The following EVI5 variants were observed in gnomAD, a reference collection of about 807,000 sequenced individuals.
EVI5 encodes the protein ecotropic viral integration site 5 protein homolog.
Under a neutral mutation model 112.0 loss-of-function variants are expected in EVI5, and 73 were observed. The ratio of observed to expected loss-of-function variants is 0.65; its 90% CI spans 0.54 to 0.79. EVI5 has a LOEUF of 0.79. Among genes scored for constraint, EVI5 ranks in the 30% least tolerant of loss-of-function variants. EVI5 has a pLI of 0.00. For synonymous variants in EVI5, 305 were observed against 319.9 expected, an observed-to-expected ratio of 0.95 and a Z score of 0.50; for missense variants, 900 against 968.8, an observed-to-expected ratio of 0.93 and a Z score of 0.94.
intron 2 of EVI5, among the ~76,000 whole-genome samples, chr1:92,723,632 A>T (rs1424201852): frequency 6.6e-6 from 1 of 152,192 alleles, no homozygotes; most frequent in Non-Finnish European, 1.5e-5. Flanking sequence ...GTACAAATTG[A>T]TTGTAAAATA....
intron 18 of EVI5, among the ~76,000 whole-genome samples, chr1:92,564,943 G>A (rs150986927): frequency 2.6e-5 from 4 of 152,304 alleles, no homozygotes; most frequent in African/African-American, 7.2e-5. Flanking sequence ...GCCTCCCAAA[G>A]TGCTGAGATT....
At chr1:92,627,265 T>C (rs1387428769) in intron 14 of EVI5, among the ~76,000 whole-genome samples, 1 of 152,236 alleles carries the variant, frequency 6.6e-6, no homozygotes, top group African/African-American at 2.4e-5. Context: ...ATACGATGCT[T>C]GGTTTTCCAT....
intron 1 of EVI5, among the ~76,000 whole-genome samples, chr1:92,761,080 T>TTAATGA (rs1491528430): frequency 7.6e-6 from 1 of 132,160 alleles, no homozygotes; most frequent in Non-Finnish European, 1.6e-5. Flanking sequence ...AAAAAAAGAA[T>TTAATGA]TAATGAATAG....
chr1:92,719,591 T>C (rs1674393070), intron 2 of EVI5, among the ~76,000 whole-genome samples: 1 of 152,008 alleles, frequency 6.6e-6, no homozygotes, highest in Admixed American at 6.5e-5. Context: ...GCCAATATCA[T>C]ACTGAATGGG....
intron 13 of EVI5, among the ~76,000 whole-genome samples, chr1:92,653,172 C>T (rs1012054738): frequency 6.6e-6 from 1 of 152,196 alleles, no homozygotes; most frequent in African/African-American, 2.4e-5. Context: ...GTACCCTGCC[C>T]AGGGAACCTC....
At chr1:92,564,807 G>A (rs1669175058) in intron 18 of EVI5, among the ~76,000 whole-genome samples, 1 of 151,568 alleles carries the variant, frequency 6.6e-6, no homozygotes, top group African/African-American at 2.4e-5. Context: ...AGCCTCCTGA[G>A]TAGCTGGGAT....
intron 9 of EVI5, among the ~76,000 whole-genome samples, chr1:92,690,092 G>C (rs1215221269): frequency 6.6e-6 from 1 of 151,998 alleles, no homozygotes; most frequent in African/African-American, 2.4e-5. Flanking sequence ...TGCCCAGGCT[G>C]GTCTCAAACT....
At chr1:92,566,867 C>T (rs920839550) in intron 18 of EVI5, among the ~76,000 whole-genome samples, 3 of 140,466 alleles carry the variant, frequency 2.1e-5, no homozygotes, top group Admixed American at 8.0e-5. Context: ...GGTGCAATGG[C>T]ACAATCTCGG....
intron 1 of EVI5, among the ~76,000 whole-genome samples, chr1:92,774,977 T>C (rs1570912889): frequency 1.3e-5 from 2 of 152,216 alleles, no homozygotes; most frequent in Admixed American, 6.5e-5. Flanking sequence ...TCAATCTACA[T>C]TCTTCCAATG....
chr1:92,641,197 G>GA (rs923070232), intron 13 of EVI5, among the ~76,000 whole-genome samples: 22 of 145,058 alleles, frequency 1.5e-4, no homozygotes, highest in Non-Finnish European at 2.5e-4. Context: ...AAGTAAAATT[G>GA]AAAAAAAAAA....
chr1:92,635,798 G>A (rs964449329), intron 14 of EVI5, among the ~76,000 whole-genome samples: 7 of 152,030 alleles, frequency 4.6e-5, no homozygotes, highest in Admixed American at 1.3e-4. Context: ...GGCTCCACCC[G>A]CTCAGATGAA....
At chr1:92,791,055 A>C (rs971455807) in intron 1 of EVI5, among the ~76,000 whole-genome samples, 1 of 152,214 alleles carries the variant, frequency 6.6e-6, no homozygotes, top group Non-Finnish European at 1.5e-5. Flanking sequence ...TCTATATGTG[A>C]TACTACACAT....
chr1:92,692,479 T>C (rs1669646355), intron 9 of EVI5, among the ~76,000 whole-genome samples: 1 of 152,246 alleles, frequency 6.6e-6, no homozygotes, highest in Non-Finnish European at 1.5e-5. Context: ...ATGGTGGTTA[T>C]TTAAAACATC....
chr1:92,712,446 C>T (rs1395570177), intron 2 of EVI5, among the ~76,000 whole-genome samples: 11 of 152,114 alleles, frequency 7.2e-5, no homozygotes, highest in Non-Finnish European at 1.0e-4. Flanking sequence ...TTTATACAGA[C>T]ATTCCAGAAA....
At chr1:92,661,205 C>T (rs193268600) in intron 13 of EVI5, among the ~76,000 whole-genome samples, 266 of 152,084 alleles carry the variant, frequency 1.7e-3, no homozygotes, top group African/African-American at 6.1e-3. Flanking sequence ...TGCTGGAATA[C>T]AAATTTAAAA....
chr1:92,602,351 T>A (rs986031010), intron 18 of EVI5, among the ~76,000 whole-genome samples: 1 of 152,204 alleles, frequency 6.6e-6, no homozygotes, highest in African/African-American at 2.4e-5. Context: ...TATCATATTA[T>A]ACAAGAAGTA....
chr1:92,620,573 G>T (rs1418884769), intron 16 of EVI5, among the ~76,000 whole-genome samples: 3 of 151,980 alleles, frequency 2.0e-5, no homozygotes, highest in Non-Finnish European at 4.4e-5. Context: ...AATTACAACA[G>T]AATCCTGGCT....
At chr1:92,560,000 C>T (rs569228277) in intron 19 of EVI5, among the ~76,000 whole-genome samples, 1 of 152,174 alleles carries the variant, frequency 6.6e-6, no homozygotes, top group South Asian at 2.1e-4. Context: ...TTCATAGTCA[C>T]AGAATGGCTA....
chr1:92,586,606 CTGTGTGTGTGTGTGTG>C (rs61310991), intron 18 of EVI5, among the ~76,000 whole-genome samples: 1 of 72,760 alleles, frequency 1.4e-5, no homozygotes, highest in African/African-American at 4.3e-5. Flanking sequence ...TTTTTTTTGG[CTGTGTGTGTGTGTGTG>C]TGTGTGTGTG....
Sources: allele counts gnomAD v4.1 joint callset (sites outside exome capture counted in the v4.1 genomes callset), GRCh38; gene constraint gnomAD v4.1.1; transcripts MANE v1.5; gene names NCBI Gene and HGNC (gene_info 2026-07-23, HGNC 2026-07-21).